The following RHBDD1 variants were observed in gnomAD, a reference collection of about 807,000 sequenced individuals.
RHBDD1 encodes rhomboid domain containing 1.
A neutral mutation model predicts 36.3 loss-of-function variants in RHBDD1; 38 were observed. The observed-to-expected ratio is 1.05, with a 90% confidence interval of 0.81 to 1.37. RHBDD1 has a LOEUF of 1.37. Among genes scored for constraint, RHBDD1 ranks in the 40% most tolerant of loss-of-function variants. RHBDD1 has a pLI of 0.00. For synonymous variants in RHBDD1, 151 were observed against 136.5 expected, an observed-to-expected ratio of 1.11 and a Z score of -0.74; for missense variants, 393 against 377.6, an observed-to-expected ratio of 1.04 and a Z score of -0.34.
intron 8 of RHBDD1, among the ~76,000 whole-genome samples, chr2:226,957,316 A>G (rs1951850743): frequency 6.6e-6 from 1 of 152,264 alleles, no homozygotes; most frequent in Non-Finnish European, 1.5e-5. Flanking sequence ...ATAGATGGAC[A>G]TCTTCATGAC....
At chr2:226,938,096 C>T (rs962416767) in intron 8 of RHBDD1, among the ~76,000 whole-genome samples, 2 of 152,064 alleles carry the variant, frequency 1.3e-5, no homozygotes, top group Non-Finnish European at 1.5e-5. Context: ...ACAATCTCGC[C>T]GGCAGCTGTT....
chr2:226,988,364 C>T, intron 8 of RHBDD1: 1 of 1,550,366 alleles, frequency 6.5e-7, no homozygotes. Context: ...AATGGCAAGT[C>T]TCCTGGACCC....
chr2:226,898,384 C>T (rs1415734221), intron 5 of RHBDD1, among the ~76,000 whole-genome samples: 2 of 152,134 alleles, frequency 1.3e-5, no homozygotes, highest in East Asian at 3.8e-4. Context: ...GTCTGGACCT[C>T]AAGTAAATGT....
intron 3 of RHBDD1, among the ~76,000 whole-genome samples, chr2:226,854,894 T>G (rs1943175620): frequency 6.6e-6 from 1 of 152,182 alleles, no homozygotes; most frequent in Admixed American, 6.5e-5. Context: ...GTAAGTAGAC[T>G]AGGGGAAGAG....
At chr2:226,869,492 A>G (rs758959763) in intron 5 of RHBDD1, among the ~76,000 whole-genome samples, 6 of 152,182 alleles carry the variant, frequency 3.9e-5, no homozygotes, top group Admixed American at 1.3e-4. Flanking sequence ...TCATTGGGAA[A>G]ACACTGTAAA....
At chr2:226,895,738 C>G (rs1037055903) in intron 5 of RHBDD1, 2 of 985,152 alleles carry the variant, frequency 2.0e-6, no homozygotes, top group African/African-American at 3.5e-5. Flanking sequence ...GACTTTCATC[C>G]AGAGCACTAT....
intron 8 of RHBDD1, among the ~76,000 whole-genome samples, chr2:226,938,226 A>G (rs144631086): frequency 6.6e-6 from 1 of 152,164 alleles, no homozygotes; most frequent in Non-Finnish European, 1.5e-5. Flanking sequence ...TTTTCACCAC[A>G]TGTATGTCTT....
intron 8 of RHBDD1, among the ~76,000 whole-genome samples, chr2:226,973,137 A>G (rs887900840): frequency 6.6e-6 from 1 of 152,120 alleles, no homozygotes; most frequent in Non-Finnish European, 1.5e-5. Context: ...CACTTTCAGT[A>G]TTTCCTTTTT....
chr2:226,882,947 C>T (rs1020669464), intron 5 of RHBDD1, among the ~76,000 whole-genome samples: 9 of 152,116 alleles, frequency 5.9e-5, no homozygotes, highest in Non-Finnish European at 1.2e-4. Context: ...CTCTTACATC[C>T]CTTCTTATAA....
intron 8 of RHBDD1, among the ~76,000 whole-genome samples, chr2:226,986,457 A>C (rs1170383067): frequency 5.9e-5 from 9 of 152,198 alleles, no homozygotes; most frequent in Admixed American, 5.9e-4. Context: ...AAATTATTCC[A>C]AAATAAAAAG....
rs1252691369 is a variant in RHBDD1, at chr2:226,995,467, A to G, written c.893A>G (p.His298Arg). Residue 298 changes from histidine (H) to arginine (R), a missense_variant, in exon 9 of 9, where the codon CAT becomes CGT. Coordinates refer to ENST00000392062, the MANE Select transcript of RHBDD1 (RefSeq NM_001167608.3). ...TRNSPPPYGFHLSPEEMRRQR... is the reference protein window; with the variant it reads ...TRNSPPPYGFRLSPEEMRRQR... ...AATAGCCCACCACCCTACGGGTTTC[A>G]TCTCTCACCAGAAGAAATGAGGAGA... 10 of 1,613,330 alleles carry G rather than the reference A, an allele frequency of 6.2e-6. No homozygotes were observed. The highest frequency in any genetic ancestry group is 8.5e-6 in the Non-Finnish European group (10 of 1,179,674).
intron 8 of RHBDD1, among the ~76,000 whole-genome samples, chr2:226,931,063 A>G (rs1950002675): frequency 6.6e-6 from 1 of 152,008 alleles, no homozygotes; most frequent in Non-Finnish European, 1.5e-5. Flanking sequence ...AGTTACCTCT[A>G]TGGAAAACAG....
chr2:226,933,919 T>G (rs1950184082), intron 8 of RHBDD1, among the ~76,000 whole-genome samples: 1 of 152,132 alleles, frequency 6.6e-6, no homozygotes, highest in Non-Finnish European at 1.5e-5. Context: ...AGATAGAAAC[T>G]ATAGTTTCTT....
upstream of RHBDD1, among the ~76,000 whole-genome samples, chr2:226,834,035 AAACAG>A (rs1445269495): frequency 2.0e-4 from 30 of 152,198 alleles, no homozygotes; most frequent in African/African-American, 7.2e-4. Flanking sequence ...CTGATATTTG[AAACAG>A]AACATAATTA....
chr2:226,806,677 C>T, the RHBDD1 span, among the ~76,000 whole-genome samples: 1 of 152,162 alleles, frequency 6.6e-6, no homozygotes. Context: ...ACAACTTACC[C>T]TTACTACCTG....
At chr2:226,969,717 G>T (rs892664563) in intron 8 of RHBDD1, among the ~76,000 whole-genome samples, 10 of 152,162 alleles carry the variant, frequency 6.6e-5, no homozygotes, top group Non-Finnish European at 1.2e-4. Context: ...TAATCCATAT[G>T]TTCCTGAGTC....
chr2:226,803,332 G>A, the RHBDD1 span, among the ~76,000 whole-genome samples: 10 of 151,846 alleles, frequency 6.6e-5, no homozygotes, highest in Non-Finnish European at 1.3e-4. Context: ...GTGTGTGTGT[G>A]TGAGAGAGAG....
At chr2:226,895,648 A>G in intron 5 of RHBDD1, 1 of 984,928 alleles carries the variant, frequency 1.0e-6, no homozygotes, top group Non-Finnish European at 1.2e-6. Flanking sequence ...ATTTAGGACA[A>G]CCTGCCATTT....
At chr2:226,832,078 T>G (rs1191497485), upstream of RHBDD1, among the ~76,000 whole-genome samples, 1 of 152,158 alleles carries the variant, frequency 6.6e-6, no homozygotes, top group African/African-American at 2.4e-5. Context: ...ACGTTCCTCC[T>G]CTTTTTCTAG....
Sources: gnomAD v4.1 joint callset for allele counts (sites outside exome capture counted in the v4.1 genomes callset) on GRCh38, gnomAD v4.1.1 for gene constraint, MANE v1.5 for transcripts, NCBI Gene and HGNC (gene_info 2026-07-23, HGNC 2026-07-21) for gene names.